Variants in TMCC2 observed in about 807,000 individuals in gnomAD.
The protein encoded by TMCC2 is transmembrane and coiled-coil domains protein 2.
TMCC2 carries 16 observed loss-of-function variants against 49.4 expected under a neutral mutation model. The observed-to-expected ratio is 0.32, with a 90% CI of 0.22 to 0.49. The LOEUF (loss-of-function observed/expected upper bound fraction) is 0.49. Ranked by LOEUF, TMCC2 falls within the 20% of genes least tolerant of loss-of-function variation. The pLI, the probability that TMCC2 is intolerant of heterozygous loss-of-function variation, is 0.99. For missense variants in TMCC2, 762 were observed against 989.8 expected, an observed-to-expected ratio of 0.77 and a Z score of 3.09; for synonymous variants, 397 against 434.1, an observed-to-expected ratio of 0.91 and a Z score of 1.06.
At chr1:205,230,434 G>A (rs923152647) in intron 1 of TMCC2, among the ~76,000 whole-genome samples, 1 of 152,146 alleles carries the variant, frequency 6.6e-6, no homozygotes, top group Non-Finnish European at 1.5e-5. Flanking sequence ...TATCTCTGCT[G>A]TCACCCCCGA....
At chr1:205,252,797 G>A (rs1232205410) in intron 2 of TMCC2, among the ~76,000 whole-genome samples, 1 of 141,568 alleles carries the variant, frequency 7.1e-6, no homozygotes, top group Non-Finnish European at 1.6e-5. Flanking sequence ...CCTTCAAAAT[G>A]TGTGGTTTGT....
chr1:205,241,353 C>T lies in TMCC2; in HGVS notation c.208-152C>T. 2 of 872,698 alleles carry T rather than the reference C, an allele frequency of 2.3e-6. No homozygotes were observed. The highest frequency in any genetic ancestry group is 3.5e-6 in the Non-Finnish European group (2 of 574,420). 54.1% of individuals were successfully genotyped at this position (872,698 alleles called of 1,614,324 possible). A position where few individuals can be genotyped will look rare whatever the true frequency, so the allele number is the denominator to read the frequency against. The stretch of plus-strand genomic sequence containing the variant: ...CCTTTTCGCAAACTGACCCTTTATG[C>T]ACGACGGGCCATCCACAGAGATCTT... On this transcript the variant is annotated intron_variant, in intron 1 of 4. Transcript: ENST00000358024. The surrounding 1 kb of genome is among the most constrained non-coding windows in gnomAD (Gnocchi z 7.3).
At chr1:205,250,258 C>T (rs912759247) in intron 2 of TMCC2, among the ~76,000 whole-genome samples, 6 of 152,196 alleles carry the variant, frequency 3.9e-5, no homozygotes, top group East Asian at 1.9e-4. Context: ...TTGAAAATAT[C>T]GGCCGGGCAC....
intron 2 of TMCC2, among the ~76,000 whole-genome samples, chr1:205,259,643 G>A (rs1661023498): frequency 6.6e-6 from 1 of 152,226 alleles, no homozygotes. Flanking sequence ...GGAAGCACCG[G>A]TGTCCCATGT....
intron 2 of TMCC2, among the ~76,000 whole-genome samples, chr1:205,244,589 G>C (rs1660388792): frequency 6.6e-6 from 1 of 152,188 alleles, no homozygotes. Flanking sequence ...CTGGTAATTT[G>C]TGCTGGCAGC....
At chr1:205,252,911 A>G (rs969504377) in intron 2 of TMCC2, among the ~76,000 whole-genome samples, 4 of 151,666 alleles carry the variant, frequency 2.6e-5, no homozygotes, top group African/African-American at 9.7e-5. Flanking sequence ...ACTGGAGGCC[A>G]GAAGTTCGAG....
At chr1:205,260,797 T>A (rs1661077256) in intron 2 of TMCC2, among the ~76,000 whole-genome samples, 2 of 152,018 alleles carry the variant, frequency 1.3e-5, no homozygotes, top group Non-Finnish European at 1.5e-5. Context: ...CTTTCTTGTC[T>A]GGTTTGTTTC....
intron 2 of TMCC2, chr1:205,257,093 G>A (rs924801511): frequency 8.5e-7 from 1 of 1,180,510 alleles, no homozygotes; most frequent in African/African-American, 1.6e-5. Context: ...CGCGCTCGGT[G>A]ATCCTCCCTG....
At position 205,228,720 on chromosome 1, in the gene TMCC2, C is replaced by G. The variant is rs1035718179; in HGVS notation, c.156C>G (p.Gly52=). 1 of 1,610,904 alleles carries G rather than the reference C, an allele frequency of 6.2e-7. No individual in the cohort carries two copies. Among genetic ancestry groups the G allele is most frequent in the Non-Finnish European group, 8.5e-7 (1 of 1,179,242 alleles). ...CTGGCGGGCCAACTTCAGACGCCGGCGCTGCCGCGGCGCCCAACCCAGGTC... is the reference window on the plus strand; with the variant it reads ...CTGGCGGGCCAACTTCAGACGCCGGGGCTGCCGCGGCGCCCAACCCAGGTC... The part of the protein sequence containing the change: ...NSAGGPTSDA[G]AAAAPNPGPR... The change falls in exon 1 of 5, where the codon GGC becomes GGG. Residue 52 remains glycine, a synonymous_variant. Coordinates refer to ENST00000358024, the MANE Select transcript of TMCC2 (RefSeq NM_014858.4).
chr1:205,228,692 C>G lies in TMCC2; in HGVS notation c.128C>G (p.Ser43Cys). 6.2e-7 allele frequency: 1 copy of G among 1,612,616 alleles called. No homozygotes were observed. The highest frequency in any genetic ancestry group is 1.1e-5 in the South Asian group (1 of 91,046). Residue 43 changes from serine to cysteine, a missense_variant, in exon 1 of 5, where the codon TCT (serine) becomes TGT (cysteine). By Grantham distance (112) the Ser-to-Cys change is moderately radical. Around this residue, in one of 2 missense-constraint regions of TMCC2, gnomAD observed 322 missense variants for 353.1 expected, o/e 0.91. Coordinates refer to ENST00000358024, the MANE Select transcript of TMCC2 (RefSeq NM_014858.4). Reference protein sequence around the residue: ...LRPGETTGANSAGGPTSDAGA... With the variant: ...LRPGETTGANCAGGPTSDAGA... Reference sequence around the variant, plus strand: ...CCTGGGGAGACCACGGGTGCTAACTCTGCTGGCGGGCCAACTTCAGACGCC... The same window carrying G: ...CCTGGGGAGACCACGGGTGCTAACTGTGCTGGCGGGCCAACTTCAGACGCC...
At chr1:205,229,728 T>C (rs1659717035) in intron 1 of TMCC2, 1 of 985,318 alleles carries the variant, frequency 1.0e-6, no homozygotes, top group Non-Finnish European at 1.2e-6. Context: ...TCAAGTTGCA[T>C]ACATGCTGAG....
At position 205,269,901 on chromosome 1, in the gene TMCC2, C is replaced by G; in HGVS notation, c.1682+17C>G. 6.2e-7 allele frequency: 1 copy of G among 1,602,494 alleles called. No individual in the cohort carries two copies. The highest frequency in any genetic ancestry group is 8.5e-7 in the Non-Finnish European group (1 of 1,173,266). The stretch of plus-strand genomic sequence containing the variant: ...GCGCTACAGGTAGGTGCCTGCCCAC[C>G]CCCTCCTGCAGCCCAGCCGGACGTG... On this transcript the variant is annotated intron_variant, in intron 3 of 4. Transcript: ENST00000358024.
At chr1:205,231,996 G>A (rs1659818453) in intron 1 of TMCC2, among the ~76,000 whole-genome samples, 1 of 152,158 alleles carries the variant, frequency 6.6e-6, no homozygotes. Context: ...AGAGGTTGGG[G>A]CGGTATTGGA....
chr1:205,272,174 TTC>T lies in TMCC2; in HGVS notation c.*53_*54del, dbSNP rs1287358307. ...CTCTCTGGCCCCCAGCTGGCCACAC[TTC>T]TCCAGGAGGGACCCTTGGACTTCTT... On this transcript the variant is annotated 3_prime_UTR_variant, in exon 5 of 5. Coordinates refer to ENST00000358024, the MANE Select transcript of TMCC2 (RefSeq NM_014858.4). 2 of 1,588,346 alleles carry T rather than the reference TTC, an allele frequency of 1.3e-6. No individual in the cohort carries two copies. The highest frequency in any genetic ancestry group is 1.7e-6 in the Non-Finnish European group (2 of 1,163,682).
chr1:205,266,565 C>T (rs1470612047), intron 2 of TMCC2, among the ~76,000 whole-genome samples: 1 of 150,240 alleles, frequency 6.7e-6, no homozygotes, highest in African/African-American at 2.4e-5. Flanking sequence ...TGCATTCCAG[C>T]CTGGGCGACA....
chr1:205,256,120 C>G, intron 2 of TMCC2: 1 of 1,160,250 alleles, frequency 8.6e-7, no homozygotes, highest in Non-Finnish European at 1.2e-6. Context: ...TCTCTTCACA[C>G]CTTCTTGAAT....
intron 1 of TMCC2, 63 bp downstream of exon 1, chr1:205,228,834 G>A (rs1353459385): frequency 3.9e-6 from 6 of 1,523,702 alleles, no homozygotes; most frequent in East Asian, 2.5e-5. Context: ...ACCCCACGCA[G>A]AAGTGCTTTA....
chr1:205,247,136 G>T (rs1237617471), intron 2 of TMCC2, among the ~76,000 whole-genome samples: 1 of 152,180 alleles, frequency 6.6e-6, no homozygotes, highest in African/African-American at 2.4e-5. Context: ...TCCTTCTTTA[G>T]AACCCTCAGC....
chr1:205,249,128 A>C (rs560097136), intron 2 of TMCC2, among the ~76,000 whole-genome samples: 3 of 152,134 alleles, frequency 2.0e-5, no homozygotes, highest in African/African-American at 4.8e-5. Context: ...AGGTGAAGTG[A>C]GGAGGGTGGA....
Sources: allele counts gnomAD v4.1 joint callset (sites outside exome capture counted in the v4.1 genomes callset), GRCh38; gene constraint gnomAD v4.1.1; regional missense constraint gnomAD v4.1.1; non-coding constraint Gnocchi (gnomAD v3.1); transcripts MANE v1.5; gene names NCBI Gene and HGNC (gene_info 2026-07-23, HGNC 2026-07-21).